Variants in PPARD observed in about 807,000 individuals in gnomAD.
PPARD encodes peroxisome proliferator activated receptor delta.
Under a neutral mutation model 39.5 loss-of-function variants are expected in PPARD, and 6 were observed. The observed-to-expected ratio is 0.15, with a 90% CI of 0.08 to 0.30. The LOEUF (loss-of-function observed/expected upper bound fraction) is 0.30, where lower values mean the gene tolerates loss of function less well. Among genes scored for constraint, PPARD ranks in the 10% least tolerant of loss-of-function variants. The pLI, the probability that PPARD is intolerant of heterozygous loss-of-function variation, is 1.00. For missense variants in PPARD, 397 were observed against 596.8 expected (o/e 0.67, Z 3.49); for synonymous variants, 210 against 231.3 (o/e 0.91, Z 0.83).
intron 2 of PPARD, among the ~76,000 whole-genome samples, chr6:35,352,476 G>A (rs562327843): frequency 1.6e-4 from 25 of 152,284 alleles, no homozygotes; most frequent in African/African-American, 3.1e-4. Context: ...GAGCCACCGC[G>A]CCCGGCCACA....
At chr6:35,357,281 C>G (rs575087664) in intron 2 of PPARD, among the ~76,000 whole-genome samples, 78 of 152,354 alleles carry the variant, frequency 5.1e-4, no homozygotes, top group African/African-American at 1.6e-3. Flanking sequence ...GGCGGCACTT[C>G]TGCCATCCTG....
At chr6:35,382,671 A>G (rs917821692) in intron 2 of PPARD, among the ~76,000 whole-genome samples, 2 of 152,220 alleles carry the variant, frequency 1.3e-5, no homozygotes, top group African/African-American at 4.8e-5. Context: ...AAACAGGCAT[A>G]TCCCAGCCCC....
intron 2 of PPARD, among the ~76,000 whole-genome samples, chr6:35,400,051 G>C (rs1764605564): frequency 1.3e-5 from 2 of 152,142 alleles, no homozygotes; most frequent in African/African-American, 2.4e-5. Flanking sequence ...TGAGATCCCT[G>C]GGTTCTCCTG....
chr6:35,398,204 A>G (rs1764467443), intron 2 of PPARD, among the ~76,000 whole-genome samples: 1 of 152,190 alleles, frequency 6.6e-6, no homozygotes, highest in African/African-American at 2.4e-5. Flanking sequence ...TGACTGCTGT[A>G]CAGAGAGTGG....
chr6:35,420,082 A>G lies in PPARD; in HGVS notation c.131-45A>G, dbSNP rs780584826. 3.8e-6 allele frequency: 6 copies of G among 1,594,680 alleles called. No homozygotes were observed. The Admixed American group carries it at 8.5e-5, about 23-fold the overall frequency. ...GGGCTGTTCCCACGCCCTGGCTTCC[A>G]GGCCTGGCAGCATGTGGAGCTGCCC... On this transcript the variant is annotated intron_variant, in intron 3 of 7. Transcript: ENST00000360694.
chr6:35,359,584 G>A (rs9658077), intron 2 of PPARD, among the ~76,000 whole-genome samples: 7,537 of 152,062 alleles, frequency 0.05, 354 homozygotes, highest in African/African-American at 0.12. Flanking sequence ...CCCCTGGCCC[G>A]CTGTTTCTTT....
At chr6:35,365,671 A>T (rs940945860) in intron 2 of PPARD, among the ~76,000 whole-genome samples, 4 of 151,262 alleles carry the variant, frequency 2.6e-5, no homozygotes, top group Non-Finnish European at 5.9e-5. Context: ...TTGTATTTTT[A>T]GTAGAGACAG....
At chr6:35,361,233 C>T (rs1003208481) in intron 2 of PPARD, among the ~76,000 whole-genome samples, 26 of 152,156 alleles carry the variant, frequency 1.7e-4, no homozygotes, top group Non-Finnish European at 4.4e-5. Flanking sequence ...ATTAAATGAG[C>T]TCATACATGT....
In PPARD at chr6:35,366,618, C is replaced by T. The variant is rs932296552; in HGVS notation, c.-102+19468C>T. On this transcript the variant is annotated intron_variant, in intron 2 of 7. Coordinates refer to ENST00000360694, the MANE Select transcript of PPARD (RefSeq NM_006238.5). The surrounding 1 kb of genome is among the most constrained non-coding windows in gnomAD (Gnocchi z 4.6). ...AGGCTGGAGTGCAGTGGCATGATCTCGGCTCACTGCAACCTCTGCCTCCCG... is the reference window on the plus strand; with the variant it reads ...AGGCTGGAGTGCAGTGGCATGATCTTGGCTCACTGCAACCTCTGCCTCCCG... 5.9e-5 allele frequency among the ~76,000 whole-genome samples: 9 copies of T among 151,430 alleles called. No individual in the cohort carries two copies. The highest frequency in any genetic ancestry group is 3.2e-3 in the Middle Eastern group (1 of 316).
rs1269996693 is a variant in PPARD, at chr6:35,426,256, T to G, written c.*177T>G. ...GGCTCCCTGTGCCCTCTCTCCCGCTTCCTCCAGCCAGCTCTCTTCCTGTCT... is the reference window on the plus strand; with the variant it reads ...GGCTCCCTGTGCCCTCTCTCCCGCTGCCTCCAGCCAGCTCTCTTCCTGTCT... On this transcript the variant is annotated 3_prime_UTR_variant, in exon 8 of 8. Transcript: ENST00000360694. 1 of 755,956 alleles carries G rather than the reference T, an allele frequency of 1.3e-6. No homozygotes were observed. Among genetic ancestry groups the G allele is most frequent in the African/African-American group, 1.8e-5 (1 of 56,494 alleles). 46.8% of individuals were successfully genotyped at this position (755,956 alleles called of 1,614,324 possible).
At position 35,420,254 on chromosome 6, in the gene PPARD, C is replaced by T. The variant is rs765704308; in HGVS notation, c.258C>T (p.Tyr86=). 65 of 1,595,788 alleles carry T rather than the reference C, an allele frequency of 4.1e-5. No individual in the cohort carries two copies. The African/African-American group carries it at 4.4e-4, about 11-fold the overall frequency. Residue 86 remains tyrosine (Y), a synonymous_variant, in exon 4 of 8, where the codon TAC becomes TAT. Transcript: ENST00000360694. ...GGGACAAGGCATCGGGCTTCCACTA[C>T]GGTGTTCATGCATGTGAGGGGTGCA... ...VCGDKASGFH[Y]GVHACEGCKG...
intron 2 of PPARD, among the ~76,000 whole-genome samples, chr6:35,353,056 G>A (rs1012700919): frequency 2.6e-5 from 4 of 152,154 alleles, no homozygotes; most frequent in Admixed American, 2.0e-4. Flanking sequence ...GTGAGGTAAT[G>A]TGGTCTTGAT....
intron 2 of PPARD, among the ~76,000 whole-genome samples, chr6:35,403,537 T>A (rs941809533): frequency 3.3e-5 from 5 of 151,820 alleles, no homozygotes; most frequent in Admixed American, 3.3e-4. Flanking sequence ...AAGGCTCATG[T>A]TTTTAGTATA....
intron 2 of PPARD, among the ~76,000 whole-genome samples, chr6:35,374,479 A>T (rs140712315): frequency 0.05 from 7,613 of 151,744 alleles, 634 homozygotes; most frequent in African/African-American, 0.17. Flanking sequence ...AACACGGTGA[A>T]ACCCCATCTC....
chr6:35,377,207 T>C (rs192567375), intron 2 of PPARD, among the ~76,000 whole-genome samples: 3 of 152,340 alleles, frequency 2.0e-5, no homozygotes, highest in Admixed American at 2.0e-4. Flanking sequence ...CACAGGCCAT[T>C]GTGGTGTCAG....
chr6:35,360,425 A>C (rs1260358591), intron 2 of PPARD, among the ~76,000 whole-genome samples: 3 of 152,182 alleles, frequency 2.0e-5, no homozygotes, highest in Non-Finnish European at 4.4e-5. Context: ...TTCCTTTTAC[A>C]CCAGCCTGCA....
Position 35,425,341 on chromosome 6 carries a change from AT to A in PPARD, c.1079-485del, listed in dbSNP as rs1458348546. ...AATGTGGGGTGGAAAAATTGTCTGC[AT>A]TTTTTCTGCATTTTTAAAATTCCAA... On this transcript the variant is annotated intron_variant, in intron 7 of 7. Coordinates refer to ENST00000360694, the MANE Select transcript of PPARD (RefSeq NM_006238.5). This position sits in a 1 kb window ranked among gnomAD's most constrained non-coding sequence, Gnocchi z 4.5. 2.0e-6 allele frequency: 2 copies of A among 1,004,762 alleles called. No individual in the cohort carries two copies. The highest frequency in any genetic ancestry group is 1.8e-5 in the African/African-American group (1 of 57,094). The allele number at this position is 1,004,762 out of a possible 1,614,324, so 62.2% of individuals were successfully genotyped here.
rs1053845035 is a variant in PPARD, at chr6:35,425,379, C to A, written c.1079-453C>A. On this transcript the variant is annotated intron_variant, in intron 7 of 7. Transcript: ENST00000360694. This position sits in a 1 kb window ranked among gnomAD's most constrained non-coding sequence, Gnocchi z 4.5. ...TTTTAAAATTCCAACACAATAAATACAATAATAACTATGCTAACTAACAGT... is the reference window on the plus strand; with the variant it reads ...TTTTAAAATTCCAACACAATAAATAAAATAATAACTATGCTAACTAACAGT... 9.8e-7 allele frequency: 1 copy of A among 1,022,258 alleles called. No homozygotes were observed. The highest frequency in any genetic ancestry group is 1.2e-6 in the Non-Finnish European group (1 of 853,042). 63.3% of individuals were successfully genotyped at this position (1,022,258 alleles called of 1,614,324 possible).
In PPARD at chr6:35,418,511, G is replaced by C. The variant is rs1255559149; in HGVS notation, c.131-1616G>C. Reference sequence around the variant, plus strand: ...TGTCTGACCACGCTGGTGCCCTGGTGGACAAAGTTCCTGCCCTTGTGGCCC... The same window carrying C: ...TGTCTGACCACGCTGGTGCCCTGGTCGACAAAGTTCCTGCCCTTGTGGCCC... On this transcript the variant is annotated intron_variant, in intron 3 of 7. Coordinates refer to ENST00000360694, the MANE Select transcript of PPARD (RefSeq NM_006238.5). Among the ~76,000 whole-genome samples, 5 of 152,256 alleles carry C rather than the reference G, an allele frequency of 3.3e-5. No homozygotes were observed. The South Asian group carries it at 1.0e-3, about 32-fold the overall frequency.
Sources: allele counts gnomAD v4.1 joint callset (sites outside exome capture counted in the v4.1 genomes callset), GRCh38; gene constraint gnomAD v4.1.1; non-coding constraint Gnocchi (gnomAD v3.1); transcripts MANE v1.5; gene names NCBI Gene and HGNC (gene_info 2026-07-23, HGNC 2026-07-21).